Variants in PTPRD observed in about 807,000 individuals in gnomAD.
The protein encoded by PTPRD is protein tyrosine phosphatase receptor type D.
PTPRD carries 34 observed loss-of-function variants against 214.5 expected under a neutral mutation model. That is an observed-to-expected ratio of 0.16 (90% confidence interval 0.12 to 0.21). PTPRD has a LOEUF of 0.21. Among genes scored for constraint, PTPRD ranks in the 10% least tolerant of loss-of-function variants. The pLI is 1.00. For synonymous variants in PTPRD, 1,128 were observed against 845.7 expected, an observed-to-expected ratio of 1.33 and a Z score of -5.79; for missense variants, 2,545 against 2,398.7, an observed-to-expected ratio of 1.06 and a Z score of -1.27.
At chr9:8,629,980 TG>T (rs1398021546) in intron 14 of PTPRD, among the ~76,000 whole-genome samples, 1 of 151,910 alleles carries the variant, frequency 6.6e-6, no homozygotes, top group East Asian at 1.9e-4. Context: ...TCGAGGCACA[TG>T]GGTGGTCAGA....
chr9:9,821,306 A>T (rs901462541), intron 5 of PTPRD, among the ~76,000 whole-genome samples: 1 of 152,162 alleles, frequency 6.6e-6, no homozygotes, highest in Non-Finnish European at 1.5e-5. Flanking sequence ...TGAGACATTT[A>T]ACCACTGAAA....
chr9:9,576,979 T>G (rs1319737711), intron 7 of PTPRD, among the ~76,000 whole-genome samples: 1 of 152,156 alleles, frequency 6.6e-6, no homozygotes, highest in East Asian at 1.9e-4. Flanking sequence ...AACTGAATAT[T>G]TTGATATTAA....
At chr9:9,171,840 A>G (rs1247230599) in intron 10 of PTPRD, among the ~76,000 whole-genome samples, 1 of 152,164 alleles carries the variant, frequency 6.6e-6, no homozygotes, top group Non-Finnish European at 1.5e-5. Flanking sequence ...ATATAAAGGT[A>G]TATTAATTCT....
At chr9:9,968,119 T>C (rs564937733) in intron 4 of PTPRD, among the ~76,000 whole-genome samples, 4 of 152,176 alleles carry the variant, frequency 2.6e-5, no homozygotes, top group African/African-American at 9.6e-5. Context: ...TTTTAGAATA[T>C]TAAAAATTTA....
chr9:9,743,081 C>G (rs542213303), intron 6 of PTPRD, among the ~76,000 whole-genome samples: 1 of 152,218 alleles, frequency 6.6e-6, no homozygotes, highest in South Asian at 2.1e-4. Flanking sequence ...TTTTGGGATA[C>G]TCTGTTCCCA....
intron 2 of PTPRD, among the ~76,000 whole-genome samples, chr9:10,588,535 A>G (rs892565376): frequency 2.0e-5 from 3 of 151,892 alleles, no homozygotes; most frequent in Admixed American, 2.0e-4. Context: ...CCATGGAATC[A>G]GAACTCATAC....
At chr9:8,382,955 A>G (rs1325538126) in intron 37 of PTPRD, among the ~76,000 whole-genome samples, 1 of 152,194 alleles carries the variant, frequency 6.6e-6, no homozygotes, top group Non-Finnish European at 1.5e-5. Flanking sequence ...TTTGCTCTCC[A>G]TTAAACTTAC....
intron 3 of PTPRD, among the ~76,000 whole-genome samples, chr9:10,090,655 GAATA>G (rs1196825132): frequency 2.0e-5 from 3 of 146,784 alleles, no homozygotes; most frequent in Non-Finnish European, 3.0e-5. Flanking sequence ...CTAAGAACCA[GAATA>G]AATAAAGTAA....
Position 9,920,244 on chromosome 9 carries a change from T to C in PTPRD, c.-368+18263A>G, listed in dbSNP as rs148554091. The stretch of plus-strand genomic sequence containing the variant: ...ACAGTTTGTTTACCTCAGCTTTTTG[T>C]GGTCTGGATAATTTGCACACTGCTT... On this transcript the variant is annotated intron_variant, in intron 5 of 45. Coordinates refer to ENST00000381196, the MANE Select transcript of PTPRD (RefSeq NM_002839.4). Among the ~76,000 whole-genome samples, 1,286 of 152,222 alleles carry C rather than the reference T, an allele frequency of 8.4e-3. 14 individuals are homozygous for C. Among genetic ancestry groups the C allele is most frequent in the Middle Eastern group, 0.031 (9 of 294 alleles).
At chr9:8,353,008 G>A (rs2075938593) in intron 39 of PTPRD, among the ~76,000 whole-genome samples, 1 of 152,114 alleles carries the variant, frequency 6.6e-6, no homozygotes, top group Non-Finnish European at 1.5e-5. Context: ...CTACTAGGGA[G>A]GCTGAGACAG....
intron 3 of PTPRD, among the ~76,000 whole-genome samples, chr9:10,125,423 TTTATTATTATTATTATTATTATTATTA>T (rs71485319): frequency 7.5e-6 from 1 of 133,556 alleles, no homozygotes; most frequent in Non-Finnish European, 1.6e-5. Flanking sequence ...TTTGTTTTAT[TTTATTATTATTATTATTATTATTATTA>T]TTATTATTAT....
chr9:8,348,787 A>G (rs1328412908), intron 39 of PTPRD, among the ~76,000 whole-genome samples: 2 of 152,158 alleles, frequency 1.3e-5, no homozygotes, highest in African/African-American at 2.4e-5. Flanking sequence ...ATCTGTTGAC[A>G]TGTACTTTCC....
intron 2 of PTPRD, among the ~76,000 whole-genome samples, chr9:10,464,151 ACTCTTGGAAG>A (rs1405311788): frequency 6.6e-6 from 1 of 151,944 alleles, no homozygotes; most frequent in Non-Finnish European, 1.5e-5. Context: ...TAATCCCAGC[ACTCTTGGAAG>A]CTGAGGCGGG....
At chr9:9,375,747 C>A (rs1169732111) in intron 9 of PTPRD, among the ~76,000 whole-genome samples, 1 of 151,994 alleles carries the variant, frequency 6.6e-6, no homozygotes, top group East Asian at 1.9e-4. Flanking sequence ...TCTGGAATAG[C>A]TGAATTCATA....
At chr9:8,663,929 G>A (rs998797626) in intron 12 of PTPRD, among the ~76,000 whole-genome samples, 2 of 151,410 alleles carry the variant, frequency 1.3e-5, no homozygotes, top group African/African-American at 4.9e-5. Flanking sequence ...ATAATTGGCG[G>A]AAAATGTTTT....
intron 17 of PTPRD, among the ~76,000 whole-genome samples, chr9:8,526,270 G>GAAAA (rs201112247): frequency 7.9e-4 from 69 of 86,984 alleles, no homozygotes; most frequent in South Asian, 1.4e-3. Flanking sequence ...GGAAAAAGAA[G>GAAAA]AAAAAAAAAA....
At chr9:8,460,186 T>A in intron 33 of PTPRD, 1 of 576,892 alleles carries the variant, frequency 1.7e-6, no homozygotes, top group Non-Finnish European at 3.1e-6. Flanking sequence ...CCAGAATAGA[T>A]GCATGTTGGA....
intron 39 of PTPRD, among the ~76,000 whole-genome samples, chr9:8,370,420 AC>A (rs1351919586): frequency 6.6e-6 from 1 of 152,100 alleles, no homozygotes; most frequent in Non-Finnish European, 1.5e-5. Flanking sequence ...ATGCTGTATG[AC>A]CTTGAACAAA....
chr9:9,850,003 A>G (rs2060242129), intron 5 of PTPRD, among the ~76,000 whole-genome samples: 2 of 152,150 alleles, frequency 1.3e-5, no homozygotes, highest in South Asian at 4.1e-4. Flanking sequence ...GGCATTGATA[A>G]ACACCAGAGC....
Sources: allele counts gnomAD v4.1 joint callset (sites outside exome capture counted in the v4.1 genomes callset), GRCh38; gene constraint gnomAD v4.1.1; transcripts MANE v1.5; gene names NCBI Gene and HGNC (gene_info 2026-07-23, HGNC 2026-07-21).